NCS1: variants seen among roughly 807,000 people sequenced by gnomAD.
NCS1 encodes the protein neuronal calcium sensor 1, also known as frequenin homolog.
Under a neutral mutation model 28.4 loss-of-function variants are expected in NCS1, and 6 were observed. The ratio of observed to expected loss-of-function variants is 0.21; its 90% CI spans 0.12 to 0.42. NCS1 has a LOEUF of 0.42. NCS1 is among the 10% of genes least tolerant of loss of function. NCS1 has a pLI of 1.00. For synonymous variants in NCS1, 86 were observed against 99.3 expected (o/e 0.87, Z 0.79); for missense variants, 131 against 241.4 (o/e 0.54, Z 3.03).
intron 2 of NCS1, among the ~76,000 whole-genome samples, chr9:130,211,882 G>T (rs929630983): frequency 6.6e-6 from 1 of 152,146 alleles, no homozygotes; most frequent in Admixed American, 6.5e-5. Context: ...TGCCACCAAG[G>T]CCCAGCTGGG....
chr9:130,173,707 G>A (rs576269092), intron 1 of NCS1, among the ~76,000 whole-genome samples: 1 of 152,146 alleles, frequency 6.6e-6, no homozygotes, highest in Non-Finnish European at 1.5e-5. Context: ...ACCCATCCCC[G>A]GGCAGCTGCG....
intron 1 of NCS1, 54 bp from the exon 2 acceptor site, chr9:130,200,904 C>G: frequency 6.2e-7 from 1 of 1,612,090 alleles, no homozygotes. Context: ...GTCTGCCCAT[C>G]TCCCGGGACA....
intron 1 of NCS1, among the ~76,000 whole-genome samples, chr9:130,184,106 G>T (rs1472726177): frequency 1.3e-5 from 2 of 152,048 alleles, no homozygotes; most frequent in South Asian, 4.2e-4. Context: ...CACCGCGCCC[G>T]GCGTCTTTTC....
intron 1 of NCS1, among the ~76,000 whole-genome samples, chr9:130,198,594 TG>T (rs1240809987): frequency 5.9e-5 from 9 of 152,318 alleles, no homozygotes; most frequent in Non-Finnish European, 1.0e-4. Context: ...GCAGACCCAT[TG>T]GAACTTCAAT....
rs1338101294 is a variant in NCS1 at position 130,235,574 on chromosome 9, T to C, written c.*2602T>C. 1.3e-5 allele frequency: 2 copies of C among 152,382 alleles called. No homozygotes were observed. Among genetic ancestry groups the C allele is most frequent in the Non-Finnish European group, 2.9e-5 (2 of 68,174 alleles). The allele number at this position is 152,382 out of a possible 1,614,324, so 9.4% of individuals were successfully genotyped here. On this transcript the variant is annotated 3_prime_UTR_variant, in exon 8 of 8. Transcript: ENST00000372398. ...TGGCTTCTGGCCTTAGCAGATGGTA[T>C]GCTTGCGGACCGCAGCCCAGCATGC...
chr9:130,218,253 G>A (rs573382237), intron 3 of NCS1, among the ~76,000 whole-genome samples: 27 of 152,342 alleles, frequency 1.8e-4, no homozygotes, highest in African/African-American at 5.8e-4. Flanking sequence ...TCACACAGAC[G>A]TGTATGTGCA....
chr9:130,179,709 A>G (rs1240959383), intron 1 of NCS1, among the ~76,000 whole-genome samples: 1 of 152,094 alleles, frequency 6.6e-6, no homozygotes, highest in Non-Finnish European at 1.5e-5. Flanking sequence ...CTTCTTGCCA[A>G]TTTTATGGGG....
intron 1 of NCS1, among the ~76,000 whole-genome samples, chr9:130,194,694 A>T (rs904242674): frequency 3.9e-5 from 6 of 152,124 alleles, no homozygotes; most frequent in Admixed American, 1.3e-4. Flanking sequence ...CCCTGACAGG[A>T]TGGCACCCCA....
At chr9:130,223,321 A>C (rs147273268) in intron 6 of NCS1, among the ~76,000 whole-genome samples, 162 bp downstream of exon 6, 61 of 151,756 alleles carry the variant, frequency 4.0e-4, no homozygotes, top group Non-Finnish European at 7.1e-4. Context: ...AGCCCCATCC[A>C]GTGTCCAGAG....
At position 130,219,941 on chromosome 9, in the gene NCS1, A is replaced by C; in HGVS notation, c.307+138A>C. On this transcript the variant is annotated intron_variant, in intron 4 of 7. Coordinates refer to ENST00000372398, the MANE Select transcript of NCS1 (RefSeq NM_014286.4). The surrounding 1 kb of genome is among the most constrained non-coding windows in gnomAD (Gnocchi z 5.7). ...CAGATGGCGTCCCAGCTGTGTCTGCAGAGGGCAGGCCTGGGCCCTGGGCAG... is the reference window on the plus strand; with the variant it reads ...CAGATGGCGTCCCAGCTGTGTCTGCCGAGGGCAGGCCTGGGCCCTGGGCAG... The C allele has an allele frequency of 3.2e-6, 3 of 951,700 alleles. No homozygotes were observed. The highest frequency in any genetic ancestry group is 4.9e-6 in the Non-Finnish European group (3 of 607,712). 59.0% of individuals were successfully genotyped at this position (951,700 alleles called of 1,614,324 possible).
Position 130,226,581 on chromosome 9 carries a change from T to G in NCS1, c.*17+77T>G. ...AACCCAGCAGCAGGACACCTACGGTTGGCAGGTAATTACCTGGGTCTCTGG... is the reference window on the plus strand; with the variant it reads ...AACCCAGCAGCAGGACACCTACGGTGGGCAGGTAATTACCTGGGTCTCTGG... On this transcript the variant is annotated intron_variant, in intron 7 of 7. Coordinates refer to ENST00000372398, the MANE Select transcript of NCS1 (RefSeq NM_014286.4). This position sits in a 1 kb window ranked among gnomAD's most constrained non-coding sequence, Gnocchi z 4.8. 3 of 1,074,152 alleles carry G rather than the reference T, an allele frequency of 2.8e-6. No individual in the cohort carries two copies. The highest frequency in any genetic ancestry group is 1.4e-5 in the South Asian group (1 of 73,122). The allele number at this position is 1,074,152 out of a possible 1,614,324, so 66.5% of individuals were successfully genotyped here.
intron 1 of NCS1, among the ~76,000 whole-genome samples, chr9:130,173,706 C>T (rs782365320): frequency 1.3e-5 from 2 of 152,118 alleles, no homozygotes; most frequent in African/African-American, 2.4e-5. Flanking sequence ...AACCCATCCC[C>T]GGGCAGCTGC....
In NCS1 at chr9:130,200,861, G is replaced by A. The variant is rs1424050239; in HGVS notation, c.65-97G>A. On this transcript the variant is annotated intron_variant, in intron 1 of 7. Transcript: ENST00000372398. ...TTGCCCGGGGACATGGCCGTGGGGA[G>A]GGGAGGGCTGGAGGGGAGGCCCCCC... is the stretch of plus-strand genomic sequence containing the variant. The A allele has an allele frequency of 9.1e-6, 14 of 1,540,782 alleles. No individual in the cohort carries two copies. In the Admixed American group the frequency reaches 1.8e-4, roughly 20 times the overall value.
rs1178407205 is a variant in NCS1 at position 130,186,110 on chromosome 9, C to G, written c.64+13383C>G. Among the ~76,000 whole-genome samples, 3 of 152,202 alleles carry G rather than the reference C, an allele frequency of 2.0e-5. No homozygotes were observed. The highest frequency in any genetic ancestry group is 4.4e-5 in the Non-Finnish European group (3 of 68,038). On this transcript the variant is annotated intron_variant, in intron 1 of 7. Coordinates refer to ENST00000372398, the MANE Select transcript of NCS1 (RefSeq NM_014286.4). The surrounding 1 kb of genome is among the most constrained non-coding windows in gnomAD (Gnocchi z 4.1). ...GGGGCATGTGTGGCCAAACGGGTTC[C>G]TGGGCCACCTTGCCAGCCCTCACTC...
intron 1 of NCS1, among the ~76,000 whole-genome samples, chr9:130,193,557 G>GC (rs1243890534): frequency 6.6e-6 from 1 of 152,086 alleles, no homozygotes; most frequent in Non-Finnish European, 1.5e-5. Flanking sequence ...CTGGGAAGAG[G>GC]CCCGGGCGAT....
Position 130,223,124 on chromosome 9 carries a change from A to G in NCS1, c.439A>G (p.Lys147Glu). 6.2e-7 allele frequency: 1 copy of G among 1,611,856 alleles called. No individual in the cohort carries two copies. The highest frequency in any genetic ancestry group is 8.5e-7 in the Non-Finnish European group (1 of 1,178,832). ...ELPEEENTPE[K>E]RVDRIFAMMD... is the part of the protein sequence containing the mutation. ...CCCAGAGGAGGAGAACACTCCTGAG[A>G]AGAGGGTGGACCGGATCTTTGCCAT... is the stretch of plus-strand genomic sequence containing the variant. Residue 147 changes from lysine (K) to glutamate (E), a missense_variant, in exon 6 of 8, where the codon AAG (lysine) becomes GAG (glutamate). Physicochemically the swap from Lys to Glu is moderately conservative, Grantham distance 56 (BLOSUM62 1). Around this residue, in one of 2 missense-constraint regions of NCS1, gnomAD observed 100 missense variants for 210.3 expected, o/e 0.48. Coordinates refer to ENST00000372398, the MANE Select transcript of NCS1 (RefSeq NM_014286.4).
chr9:130,211,513 C>T lies in NCS1; in HGVS notation c.90-6319C>T, dbSNP rs145993024. 9.1e-3 allele frequency among the ~76,000 whole-genome samples: 1,380 copies of T among 151,638 alleles called. 15 individuals are homozygous for T. Among genetic ancestry groups the T allele is most frequent in the Non-Finnish European group, 0.015 (1,037 of 67,962 alleles). On this transcript the variant is annotated intron_variant, in intron 2 of 7. Coordinates refer to ENST00000372398, the MANE Select transcript of NCS1 (RefSeq NM_014286.4). Reference sequence around the variant, plus strand: ...AATGATGCTGGGACTCCTGTCCCTTCCACTGTGGGTCTGGAATCAAGCAGA... The same window carrying T: ...AATGATGCTGGGACTCCTGTCCCTTTCACTGTGGGTCTGGAATCAAGCAGA...
In NCS1 at chr9:130,236,390, G is replaced by A. The variant is rs1051346585; in HGVS notation, c.*3418G>A. Reference sequence around the variant, plus strand: ...CCCCACCGGACGGGTGGTCCGGAGGGAGGCTGGAGCGGGGAGGCGAGGAGG... The same window carrying A: ...CCCCACCGGACGGGTGGTCCGGAGGAAGGCTGGAGCGGGGAGGCGAGGAGG... On this transcript the variant is annotated 3_prime_UTR_variant, in exon 8 of 8. Coordinates refer to ENST00000372398, the MANE Select transcript of NCS1 (RefSeq NM_014286.4). 1 of 152,144 alleles carries A rather than the reference G, an allele frequency of 6.6e-6. No homozygotes were observed. The highest frequency in any genetic ancestry group is 6.5e-5 in the Admixed American group (1 of 15,284). 9.4% of individuals were successfully genotyped at this position (152,144 alleles called of 1,614,324 possible).
At position 130,172,698 on chromosome 9, in the gene NCS1, T is replaced by C. The variant is rs1554904183; in HGVS notation, c.35T>C (p.Val12Ala). Residue 12 changes from valine (V) to alanine (A), a missense_variant, in exon 1 of 8, where the codon GTT becomes GCT. By Grantham distance (64) the Val-to-Ala change is moderately conservative (BLOSUM62 0). Coordinates refer to ENST00000372398, the MANE Select transcript of NCS1 (RefSeq NM_014286.4). The stretch of plus-strand genomic sequence containing the variant: ...TCCAACAGCAAGTTGAAGCCCGAAG[T>C]TGTGGAGGAGCTGACCAGGAAGACC... ...GKSNSKLKPE[V>A]VEELTRKTYF... The C allele has an allele frequency of 1.3e-6, 2 of 1,509,292 alleles. No individual in the cohort carries two copies. Among genetic ancestry groups the C allele is most frequent in the Admixed American group, 1.9e-5 (1 of 52,040 alleles). 93.5% of individuals were successfully genotyped at this position (1,509,292 alleles called of 1,614,324 possible).
Sources: gnomAD v4.1 joint callset for allele counts (sites outside exome capture counted in the v4.1 genomes callset) on GRCh38, gnomAD v4.1.1 for gene constraint, gnomAD v4.1.1 regional missense constraint, Gnocchi (gnomAD v3.1) non-coding constraint, MANE v1.5 for transcripts, NCBI Gene and HGNC (gene_info 2026-07-23, HGNC 2026-07-21) for gene names.